Variants in CILK1 observed in about 807,000 individuals in gnomAD.
The protein encoded by CILK1 is ciliogenesis associated kinase 1.
A neutral mutation model predicts 79.2 loss-of-function variants in CILK1; 47 were observed. The observed-to-expected ratio is 0.59, with a 90% CI of 0.47 to 0.76. The LOEUF is 0.76. Among genes scored for constraint, CILK1 ranks in the 30% least tolerant of loss-of-function variants. The pLI is 0.00. For synonymous variants in CILK1, 266 were observed against 275.9 expected, an observed-to-expected ratio of 0.96 and a Z score of 0.36; for missense variants, 660 against 769.5, an observed-to-expected ratio of 0.86 and a Z score of 1.68.
At chr6:53,053,473 T>A (rs1443751610) in intron 1 of CILK1, among the ~76,000 whole-genome samples, 1 of 152,196 alleles carries the variant, frequency 6.6e-6, no homozygotes, top group African/African-American at 2.4e-5. Context: ...ATTAGTACAT[T>A]TAACCCTCAT....
Position 53,041,295 on chromosome 6 carries a change from G to T in CILK1, c.-59C>A. ...GGCCGAAGTGGTTCAGTTCTGCAGT[G>T]GTAGCAGTCCTCCCCAGAGTGTAAC... is the stretch of plus-strand genomic sequence containing the variant. On this transcript the variant is annotated 5_prime_UTR_variant, in exon 2 of 14. Coordinates refer to ENST00000676107, the MANE Select transcript of CILK1 (RefSeq NM_014920.5). 8.4e-7 allele frequency: 1 copy of T among 1,188,782 alleles called. No individual in the cohort carries two copies. The highest frequency in any genetic ancestry group is 1.3e-6 in the Non-Finnish European group (1 of 799,216). The allele number at this position is 1,188,782 out of a possible 1,614,324, so 73.6% of individuals were successfully genotyped here.
In CILK1 at chr6:53,009,642, T is replaced by C. The variant is rs956070878; in HGVS notation, c.1493-75A>G. On this transcript the variant is annotated intron_variant, in intron 11 of 13. Coordinates refer to ENST00000676107, the MANE Select transcript of CILK1 (RefSeq NM_014920.5). The stretch of plus-strand genomic sequence containing the variant: ...CACTAGACTACAAAGATAAAATTAA[T>C]GCAGAACTCAATTTGTCAAAAACTC... 5.4e-6 allele frequency: 7 copies of C among 1,295,976 alleles called. No individual in the cohort carries two copies. The African/African-American group carries it at 7.3e-5, about 14-fold the overall frequency. The allele number at this position is 1,295,976 out of a possible 1,614,324, so 80.3% of individuals were successfully genotyped here.
intron 12 of CILK1, among the ~76,000 whole-genome samples, chr6:53,008,918 T>C (rs1454139474): frequency 1.3e-5 from 2 of 152,206 alleles, no homozygotes; most frequent in Non-Finnish European, 2.9e-5. Flanking sequence ...GAAACGTCTC[T>C]ACTGTGAACA....
chr6:53,011,089 A>C (rs913509625), intron 11 of CILK1, among the ~76,000 whole-genome samples: 3 of 152,172 alleles, frequency 2.0e-5, no homozygotes, highest in African/African-American at 7.2e-5. Context: ...GATACCCACC[A>C]AACTATAGCA....
In CILK1 at chr6:53,041,331, G is replaced by T. The variant is rs1021514623; in HGVS notation, c.-95C>A. The T allele has an allele frequency of 1.6e-5, 13 of 817,112 alleles. No homozygotes were observed. In the African/African-American group the frequency reaches 1.7e-4, roughly 10 times the overall value. 50.6% of individuals were successfully genotyped at this position (817,112 alleles called of 1,614,324 possible). A position where few individuals can be genotyped will look rare whatever the true frequency, so the allele number is the denominator to read the frequency against. ...TCCCCAGAGTGTAACCAGATTTTTC[G>T]ATGGCAGCACCAGCACAAGGTATTC... is the stretch of plus-strand genomic sequence containing the variant. On this transcript the variant is annotated 5_prime_UTR_variant, in exon 2 of 14. Coordinates refer to ENST00000676107, the MANE Select transcript of CILK1 (RefSeq NM_014920.5).
intron 5 of CILK1, among the ~76,000 whole-genome samples, chr6:53,027,303 C>T (rs1228251879): frequency 6.6e-6 from 1 of 152,154 alleles, no homozygotes; most frequent in East Asian, 1.9e-4. Flanking sequence ...ATAAGTGTGA[C>T]CTGGATATCT....
At chr6:53,024,477 C>A (rs222461) in intron 5 of CILK1, among the ~76,000 whole-genome samples, 111,721 of 152,122 alleles carry the variant, frequency 0.73, 41,415 homozygotes, top group East Asian at 0.93. Context: ...ACCCTCTGTT[C>A]TTCAGAGCAC....
intron 1 of CILK1, among the ~76,000 whole-genome samples, chr6:53,058,471 A>C (rs1037870019): frequency 1.3e-5 from 2 of 152,192 alleles, no homozygotes; most frequent in Non-Finnish European, 2.9e-5. Flanking sequence ...TTAAAACTGT[A>C]TTTCAAAGGT....
At position 53,016,186 on chromosome 6, in the gene CILK1, G is replaced by C; in HGVS notation, c.728C>G (p.Pro243Arg). 1.2e-6 allele frequency: 2 copies of C among 1,614,048 alleles called. No individual in the cohort carries two copies. Among genetic ancestry groups the C allele is most frequent in the Non-Finnish European group, 1.7e-6 (2 of 1,179,924 alleles). The part of the protein sequence containing the change: ...AMNFRWPQCV[P>R]NNLKTLIPNA... The stretch of plus-strand genomic sequence containing the variant: ...GGGAATCAAGGTCTTTAAGTTATTG[G>C]GTACACACTGTGGCCAACGGAAGTT... The change falls in exon 8 of 14, where the codon CCC becomes CGC. Residue 243 changes from proline (P) to arginine (R), a missense_variant. Physicochemically the swap from Pro to Arg is moderately radical, Grantham distance 103. Coordinates refer to ENST00000676107, the MANE Select transcript of CILK1 (RefSeq NM_014920.5).
At chr6:53,016,378 C>A (rs1452636429) in intron 7 of CILK1, 128 bp from the exon 8 acceptor site, 1 of 815,044 alleles carries the variant, frequency 1.2e-6, no homozygotes, top group African/African-American at 1.7e-5. Flanking sequence ...TAACCACCCA[C>A]ATTCACTACT....
intron 1 of CILK1, among the ~76,000 whole-genome samples, chr6:53,050,173 A>G (rs1232462660): frequency 2.0e-5 from 3 of 152,218 alleles, no homozygotes; most frequent in Non-Finnish European, 4.4e-5. Context: ...AATATCAAAA[A>G]TTTGATACTT....
intron 1 of CILK1, among the ~76,000 whole-genome samples, chr6:53,050,243 T>C (rs1049337431): frequency 6.6e-6 from 1 of 151,964 alleles, no homozygotes; most frequent in Non-Finnish European, 1.5e-5. Context: ...CATACAAAGA[T>C]TTCACACTGT....
chr6:53,057,060 G>T (rs1394190880), intron 1 of CILK1, among the ~76,000 whole-genome samples: 1 of 152,168 alleles, frequency 6.6e-6, no homozygotes, highest in Non-Finnish European at 1.5e-5. Context: ...CTCTTTCAAA[G>T]CAAAGGCAAT....
chr6:53,013,975 C>T lies in CILK1; in HGVS notation c.839G>A (p.Arg280Gln), dbSNP rs756353300. ...KKRPTASQAL[R>Q]YPYFQVGHPL... ...GTGTCCAACTTGGAAGTAAGGATAT[C>T]GAAGTGCCTGGAATGACAAATAAGG... Residue 280 changes from arginine to glutamine, a missense_variant, in exon 9 of 14, where the codon CGA (arginine) becomes CAA (glutamine). By Grantham distance (43) the Arg-to-Gln change is conservative. Transcript: ENST00000676107. 28 of 1,613,266 alleles carry T rather than the reference C, an allele frequency of 1.7e-5. No individual in the cohort carries two copies. Among genetic ancestry groups the T allele is most frequent in the South Asian group, 8.8e-5 (8 of 91,042 alleles).
intron 1 of CILK1, among the ~76,000 whole-genome samples, chr6:53,059,675 G>A (rs562234721): frequency 1.3e-4 from 20 of 152,318 alleles, no homozygotes; most frequent in African/African-American, 4.1e-4. Flanking sequence ...GAAATGAAAA[G>A]AGGATTTTAG....
rs1768474394 is a variant in CILK1 at position 53,061,657 on chromosome 6, G to C, written c.-234C>G. On this transcript the variant is annotated 5_prime_UTR_variant, in exon 1 of 14. Coordinates refer to ENST00000676107, the MANE Select transcript of CILK1 (RefSeq NM_014920.5). The stretch of plus-strand genomic sequence containing the variant: ...GTGAGCGCAGCTCCTCGACGAGCGG[G>C]GCGCAGCCGCCCGCTCCGGAGCTGG... 6.6e-6 allele frequency: 1 copy of C among 152,340 alleles called. No homozygotes were observed. Among genetic ancestry groups the C allele is most frequent in the African/African-American group, 2.4e-5 (1 of 41,462 alleles). The allele number at this position is 152,340 out of a possible 1,614,324, so 9.4% of individuals were successfully genotyped here. A position where few individuals can be genotyped will look rare whatever the true frequency, so the allele number is the denominator to read the frequency against.
intron 1 of CILK1, among the ~76,000 whole-genome samples, chr6:53,060,601 G>A (rs1043677058): frequency 6.6e-6 from 1 of 152,206 alleles, no homozygotes; most frequent in Non-Finnish European, 1.5e-5. Flanking sequence ...AAGTAGACAG[G>A]AAAGCCTTAA....
intron 12 of CILK1, 111 bp from the exon 13 acceptor site, chr6:53,006,548 G>C: frequency 8.3e-7 from 1 of 1,207,096 alleles, no homozygotes; most frequent in East Asian, 2.6e-5. Context: ...TTACTTTTAG[G>C]GAAAAGAGCA....
At chr6:53,060,393 T>C (rs1375215238) in intron 1 of CILK1, among the ~76,000 whole-genome samples, 1 of 152,146 alleles carries the variant, frequency 6.6e-6, no homozygotes, top group African/African-American at 2.4e-5. Flanking sequence ...CATTAGGAAA[T>C]GTGACGGCCT....
Sources: allele counts gnomAD v4.1 joint callset (sites outside exome capture counted in the v4.1 genomes callset), GRCh38; gene constraint gnomAD v4.1.1; transcripts MANE v1.5; gene names NCBI Gene and HGNC (gene_info 2026-07-23, HGNC 2026-07-21).